ETNK1: variants seen among roughly 807,000 people sequenced by gnomAD.
ETNK1 encodes the protein ethanolamine kinase 1.
A neutral mutation model predicts 45.1 loss-of-function variants in ETNK1; 8 were observed. The observed-to-expected ratio is 0.18, with a 90% CI of 0.10 to 0.32. The LOEUF (loss-of-function observed/expected upper bound fraction) is 0.32. Among genes scored for constraint, ETNK1 ranks in the 10% least tolerant of loss-of-function variants. The pLI is 1.00. For missense variants in ETNK1, 302 were observed against 430.6 expected (o/e 0.70, Z 2.64); for synonymous variants, 152 against 151.9 (o/e 1.00, Z -0.01).
At chr12:22,681,950 A>C (rs896514369) in intron 6 of ETNK1, among the ~76,000 whole-genome samples, 1 of 152,172 alleles carries the variant, frequency 6.6e-6, no homozygotes, top group African/African-American at 2.4e-5. Flanking sequence ...AACAAGTGAT[A>C]GTTTCTTAAA....
Position 22,686,851 on chromosome 12 carries a change from A to ATTTTTTTTTTTTTTTT in ETNK1, c.*1910_*1925dup, listed in dbSNP as rs3983448. 2.9e-5 allele frequency: 2 copies of ATTTTTTTTTTTTTTTT among 69,262 alleles called. No individual in the cohort carries two copies. The highest frequency in any genetic ancestry group is 5.9e-5 in the African/African-American group (1 of 17,068). The allele number at this position is 69,262 out of a possible 1,614,324, so 4.3% of individuals were successfully genotyped here. A position where few individuals can be genotyped will look rare whatever the true frequency, so the allele number is the denominator to read the frequency against. On this transcript the variant is annotated 3_prime_UTR_variant, in exon 8 of 8. Transcript: ENST00000266517. ...AGATAAAGAATGTGTAATACTCTTA[A>ATTTTTTTTTTTTTTTT]TTTTTTTTTTTTTTTTTTTTTTTTT...
chr12:22,630,938 TC>T (rs1953571750), intron 1 of ETNK1, among the ~76,000 whole-genome samples: 1 of 152,038 alleles, frequency 6.6e-6, no homozygotes, highest in African/African-American at 2.4e-5. Flanking sequence ...GTAAATTATA[TC>T]ATGTATTAGA....
At position 22,653,624 on chromosome 12, in the gene ETNK1, A is replaced by C. The variant is rs569750751; in HGVS notation, c.417-5390A>C. Among the ~76,000 whole-genome samples the C allele has an allele frequency of 2.0e-5, 3 of 152,106 alleles. No homozygotes were observed. The East Asian group carries it at 5.8e-4, about 29-fold the overall frequency. On this transcript the variant is annotated intron_variant, in intron 2 of 7. Transcript: ENST00000266517. ...TTCTTTTCGATGCTATCGTAAATGGAATTGTTTTCTTAATTTCCTTTCTAG... is the reference window on the plus strand; with the variant it reads ...TTCTTTTCGATGCTATCGTAAATGGCATTGTTTTCTTAATTTCCTTTCTAG...
chr12:22,670,593 T>A (rs1452048299), intron 4 of ETNK1, among the ~76,000 whole-genome samples: 1 of 152,122 alleles, frequency 6.6e-6, no homozygotes. Flanking sequence ...TATGTGAAAA[T>A]TTCTCACGTT....
intron 5 of ETNK1, 22 bp from the exon 6 acceptor site, chr12:22,673,478 T>A: frequency 6.5e-7 from 1 of 1,536,626 alleles, no homozygotes; most frequent in Non-Finnish European, 8.8e-7. Flanking sequence ...AATTTTTGAG[T>A]GTAGTTTTTT....
chr12:22,671,402 G>C, intron 5 of ETNK1, 47 bp downstream of exon 5: 1 of 1,180,558 alleles, frequency 8.5e-7, no homozygotes. Context: ...GATATTTTCA[G>C]AATATTTCAT....
chr12:22,658,875 G>A lies in ETNK1; in HGVS notation c.417-139G>A, dbSNP rs548265137. 4.0e-6 allele frequency: 3 copies of A among 759,354 alleles called. No individual in the cohort carries two copies. The East Asian group carries it at 8.2e-5, about 21-fold the overall frequency. The allele number at this position is 759,354 out of a possible 1,614,324, so 47.0% of individuals were successfully genotyped here. ...ACTCAGTAGGGTTCTTGCTAAAACT[G>A]GTTTTTACAAGAGAGAGCACAGGTA... On this transcript the variant is annotated intron_variant, in intron 2 of 7. Transcript: ENST00000266517.
chr12:22,656,530 A>G (rs1163041390), intron 2 of ETNK1: 9 of 985,236 alleles, frequency 9.1e-6, no homozygotes, highest in Non-Finnish European at 1.1e-5. Flanking sequence ...AGTTTTGCTT[A>G]TTCACTGAAA....
At chr12:22,674,996 G>T (rs939645936) in intron 6 of ETNK1, among the ~76,000 whole-genome samples, 1 of 152,178 alleles carries the variant, frequency 6.6e-6, no homozygotes, top group Non-Finnish European at 1.5e-5. Flanking sequence ...GGCCAAATAA[G>T]ATGTACAGAA....
At chr12:22,635,258 C>T (rs760087093) in intron 1 of ETNK1, among the ~76,000 whole-genome samples, 2 of 152,200 alleles carry the variant, frequency 1.3e-5, no homozygotes, top group African/African-American at 2.4e-5. Flanking sequence ...CATATGTCAC[C>T]TGGCTCACCT....
At chr12:22,678,352 A>G (rs1384837876) in intron 6 of ETNK1, among the ~76,000 whole-genome samples, 8 of 152,242 alleles carry the variant, frequency 5.3e-5, no homozygotes, top group East Asian at 1.9e-4. Context: ...GCCAAGTCCA[A>G]TGTAAATTTT....
intron 2 of ETNK1, among the ~76,000 whole-genome samples, chr12:22,657,257 ATTTG>A (rs545578855): frequency 2.0e-4 from 31 of 152,302 alleles, no homozygotes; most frequent in African/African-American, 4.1e-4. Flanking sequence ...TTATTTACTC[ATTTG>A]TTTGAGAGGT....
Position 22,685,161 on chromosome 12 carries a change from T to C in ETNK1, c.*207T>C. ...CCTACTGCTATCCGTATGTGGTGGATTAGAAATGTGTTAAATCTGCAAAAG... is the reference window on the plus strand; with the variant it reads ...CCTACTGCTATCCGTATGTGGTGGACTAGAAATGTGTTAAATCTGCAAAAG... On this transcript the variant is annotated 3_prime_UTR_variant, in exon 8 of 8. Coordinates refer to ENST00000266517, the MANE Select transcript of ETNK1 (RefSeq NM_018638.5). The C allele has an allele frequency of 2.3e-6, 1 of 432,094 alleles. No homozygotes were observed. The highest frequency in any genetic ancestry group is 4.7e-5 in the South Asian group (1 of 21,380). 26.8% of individuals were successfully genotyped at this position (432,094 alleles called of 1,614,324 possible). A position where few individuals can be genotyped will look rare whatever the true frequency, so the allele number is the denominator to read the frequency against.
At chr12:22,662,785 A>G (rs1262546635) in intron 4 of ETNK1, among the ~76,000 whole-genome samples, 1 of 152,186 alleles carries the variant, frequency 6.6e-6, no homozygotes, top group African/African-American at 2.4e-5. Flanking sequence ...GTAAAGCCTA[A>G]GAATTCACAT....
At chr12:22,641,097 A>G (rs536913960) in intron 1 of ETNK1, among the ~76,000 whole-genome samples, 3 of 152,272 alleles carry the variant, frequency 2.0e-5, no homozygotes, top group African/African-American at 4.8e-5. Context: ...AACTGAAGTC[A>G]TTGTTCTCCA....
intron 6 of ETNK1, among the ~76,000 whole-genome samples, chr12:22,681,303 CTGAT>C (rs1954213436): frequency 6.6e-6 from 1 of 151,842 alleles, no homozygotes; most frequent in African/African-American, 2.4e-5. Context: ...TGAATAAAAA[CTGAT>C]TGAGAAATAT....
chr12:22,671,567 G>A (rs557904196), intron 5 of ETNK1, among the ~76,000 whole-genome samples: 47 of 152,180 alleles, frequency 3.1e-4, no homozygotes, highest in Non-Finnish European at 5.4e-4. Flanking sequence ...GGCCGGGCGC[G>A]GTGGCTCACG....
At chr12:22,629,988 A>C (rs1335322918) in intron 1 of ETNK1, among the ~76,000 whole-genome samples, 1 of 152,220 alleles carries the variant, frequency 6.6e-6, no homozygotes, top group East Asian at 1.9e-4. Flanking sequence ...TATTTTATTA[A>C]GATGTGACTA....
rs775409690 is a variant in ETNK1, at chr12:22,625,270, C to T, written c.-161C>T. ...CAGACCCGGATCGGCAACAGTGCCGCCTCCAGACGTTCTCCTGCCGCTCGC... is the reference window on the plus strand; with the variant it reads ...CAGACCCGGATCGGCAACAGTGCCGTCTCCAGACGTTCTCCTGCCGCTCGC... On this transcript the variant is annotated 5_prime_UTR_variant, in exon 1 of 8. Coordinates refer to ENST00000266517, the MANE Select transcript of ETNK1 (RefSeq NM_018638.5). 3 of 1,609,812 alleles carry T rather than the reference C, an allele frequency of 1.9e-6. No homozygotes were observed. Among genetic ancestry groups the T allele is most frequent in the East Asian group, 2.2e-5 (1 of 44,754 alleles).
Sources: allele counts gnomAD v4.1 joint callset (sites outside exome capture counted in the v4.1 genomes callset), GRCh38; gene constraint gnomAD v4.1.1; transcripts MANE v1.5; gene names NCBI Gene and HGNC (gene_info 2026-07-23, HGNC 2026-07-21).